Variants in AFG2A observed in about 807,000 individuals in gnomAD.
AFG2A encodes AAA ATPase AFG2A.
the AFG2A span, chr4:123,314,117 CT>C: frequency 1.4e-6 from 2 of 1,420,604 alleles, no homozygotes; most frequent in Non-Finnish European, 1.8e-6. Flanking sequence ...AAATTTGTTT[CT>C]TTTTAAAATT....
chr4:123,189,874 G>C, the AFG2A span, among the ~76,000 whole-genome samples: 1 of 131,204 alleles, frequency 7.6e-6, no homozygotes, highest in Non-Finnish European at 1.5e-5. Flanking sequence ...GAGTGCAGTG[G>C]CAAGATCATG....
the AFG2A span, among the ~76,000 whole-genome samples, chr4:123,215,381 T>A: frequency 6.6e-6 from 1 of 152,116 alleles, no homozygotes; most frequent in Non-Finnish European, 1.5e-5. Context: ...TTGGATAAAT[T>A]GTGGAAATTT....
the AFG2A span, among the ~76,000 whole-genome samples, chr4:122,928,253 A>G: frequency 1.3e-5 from 2 of 152,100 alleles, no homozygotes; most frequent in African/African-American, 4.8e-5. Flanking sequence ...GTATATAAAT[A>G]TTTTACTATT....
chr4:123,223,614 A>C, the AFG2A span, among the ~76,000 whole-genome samples: 1 of 152,088 alleles, frequency 6.6e-6, no homozygotes, highest in Admixed American at 6.6e-5. Flanking sequence ...CATTTGAGCA[A>C]CCAAATCTCA....
chr4:123,170,295 A>G, the AFG2A span, among the ~76,000 whole-genome samples: 1 of 152,206 alleles, frequency 6.6e-6, no homozygotes, highest in African/African-American at 2.4e-5. Context: ...CATTCAGAAA[A>G]CTAGATTTTT....
At chr4:123,199,585 C>T in the AFG2A span, among the ~76,000 whole-genome samples, 7 of 151,270 alleles carry the variant, frequency 4.6e-5, no homozygotes, top group Admixed American at 6.6e-5. Context: ...GATTCTCCCA[C>T]CTCAGCCTCC....
the AFG2A span, among the ~76,000 whole-genome samples, chr4:122,983,771 T>C: frequency 2.6e-5 from 4 of 152,136 alleles, no homozygotes; most frequent in African/African-American, 9.7e-5. Context: ...AAAGAATATG[T>C]ATTTGAGAGC....
the AFG2A span, among the ~76,000 whole-genome samples, chr4:123,164,325 G>T: frequency 6.6e-6 from 1 of 152,058 alleles, no homozygotes; most frequent in African/African-American, 2.4e-5. Context: ...AGAAATTTAA[G>T]TCTTTGAAGA....
At chr4:123,190,816 G>A in the AFG2A span, among the ~76,000 whole-genome samples, 1 of 152,202 alleles carries the variant, frequency 6.6e-6, no homozygotes, top group African/African-American at 2.4e-5. Flanking sequence ...TATTAAGCCA[G>A]TTTGTAGGTA....
chr4:123,062,184 C>G, the AFG2A span, among the ~76,000 whole-genome samples: 11 of 152,084 alleles, frequency 7.2e-5, no homozygotes, highest in Non-Finnish European at 1.5e-4. Flanking sequence ...TAGTGTATAC[C>G]TCCCTCTCTC....
chr4:123,211,250 C>A, the AFG2A span, among the ~76,000 whole-genome samples: 1 of 152,100 alleles, frequency 6.6e-6, no homozygotes, highest in Non-Finnish European at 1.5e-5. Context: ...GCATTTTCAA[C>A]CTGTATCCCT....
the AFG2A span, among the ~76,000 whole-genome samples, chr4:123,058,764 A>G: frequency 1.1e-4 from 17 of 152,176 alleles, no homozygotes; most frequent in African/African-American, 3.9e-4. Flanking sequence ...TATGGGGGCT[A>G]CAATTCAAGA....
At chr4:123,048,382 C>T in the AFG2A span, among the ~76,000 whole-genome samples, 3 of 152,042 alleles carry the variant, frequency 2.0e-5, no homozygotes, top group East Asian at 5.8e-4. Flanking sequence ...ATTGCTTTTT[C>T]TATTTCTACC....
At chr4:123,167,897 A>G in the AFG2A span, among the ~76,000 whole-genome samples, 6 of 152,300 alleles carry the variant, frequency 3.9e-5, no homozygotes, top group East Asian at 1.2e-3. Flanking sequence ...GTCATCATCA[A>G]AACAAAAACA....
At chr4:123,189,809 C>CTTTTTTTTTTTT in the AFG2A span, among the ~76,000 whole-genome samples, 17 of 61,770 alleles carry the variant, frequency 2.8e-4, 2 homozygotes, top group African/African-American at 9.3e-4. Context: ...AGGTCATTTG[C>CTTTTTTTTTTTT]TTTTTTTTTT....
the AFG2A span, among the ~76,000 whole-genome samples, chr4:123,078,794 G>T: frequency 1.3e-5 from 2 of 152,088 alleles, no homozygotes; most frequent in Non-Finnish European, 2.9e-5. Context: ...GGTTACCCAT[G>T]GGTAATCTAA....
the AFG2A span, among the ~76,000 whole-genome samples, chr4:123,290,100 C>A: frequency 6.6e-6 from 1 of 152,140 alleles, no homozygotes; most frequent in African/African-American, 2.4e-5. Context: ...GGGTATCAGT[C>A]CCCTATTAGA....
the AFG2A span, among the ~76,000 whole-genome samples, chr4:122,978,374 C>T: frequency 2.6e-4 from 40 of 152,370 alleles, no homozygotes; most frequent in South Asian, 6.6e-3. Flanking sequence ...AGCTCCTTCT[C>T]ACAGCTGGTA....
At chr4:123,133,136 C>T in the AFG2A span, among the ~76,000 whole-genome samples, 3 of 152,104 alleles carry the variant, frequency 2.0e-5, no homozygotes, top group African/African-American at 4.8e-5. Flanking sequence ...AGAGGTTCTC[C>T]GAAGATAATG....
Sources: gnomAD v4.1 joint callset for allele counts (sites outside exome capture counted in the v4.1 genomes callset) on GRCh38, gnomAD v4.1.1 for gene constraint, MANE v1.5 for transcripts, NCBI Gene and HGNC (gene_info 2026-07-23, HGNC 2026-07-21) for gene names.